Variants in EPC2 observed in about 807,000 individuals in gnomAD.
EPC2 encodes enhancer of polycomb 2.
In EPC2, 14 loss-of-function variants were observed where a neutral mutation model predicts 92.1. The observed-to-expected ratio is 0.15, with a 90% CI of 0.10 to 0.24. The LOEUF (loss-of-function observed/expected upper bound fraction) is 0.24, where lower values mean the gene tolerates loss of function less well. Ranked by LOEUF, EPC2 falls within the 10% of genes least tolerant of loss-of-function variation. EPC2 has a pLI of 1.00. For synonymous variants in EPC2, 340 were observed against 334.7 expected (o/e 1.02, Z -0.17); for missense variants, 755 against 971.5 (o/e 0.78, Z 2.96).
intron 10 of EPC2, among the ~76,000 whole-genome samples, chr2:148,780,518 A>G (rs375999987): frequency 1.3e-5 from 2 of 152,160 alleles, no homozygotes; most frequent in African/African-American, 4.8e-5. Context: ...TTTAGGTCAT[A>G]TTGATTAGAT....
chr2:148,646,177 C>T (rs1402454443), intron 1 of EPC2, among the ~76,000 whole-genome samples: 1 of 152,086 alleles, frequency 6.6e-6, no homozygotes, highest in Non-Finnish European at 1.5e-5. Flanking sequence ...TTGTCAACCT[C>T]GGGTGTGTGT....
At chr2:148,682,803 C>T (rs1339740092) in intron 1 of EPC2, among the ~76,000 whole-genome samples, 2 of 152,096 alleles carry the variant, frequency 1.3e-5, no homozygotes, top group African/African-American at 4.8e-5. Context: ...CACTGTAGTC[C>T]AATACGGCCT....
chr2:148,741,635 G>C (rs967777047), intron 2 of EPC2, among the ~76,000 whole-genome samples: 1 of 152,118 alleles, frequency 6.6e-6, no homozygotes, highest in Non-Finnish European at 1.5e-5. Context: ...TTTACACATC[G>C]CTGCACAGAC....
At chr2:148,676,126 AG>A (rs1399055382) in intron 1 of EPC2, among the ~76,000 whole-genome samples, 1 of 142,244 alleles carries the variant, frequency 7.0e-6, no homozygotes, top group Non-Finnish European at 1.5e-5. Flanking sequence ...TGAATTACTT[AG>A]TTTTTTTTTT....
At chr2:148,698,871 G>T (rs1681813200) in intron 2 of EPC2, among the ~76,000 whole-genome samples, 1 of 145,632 alleles carries the variant, frequency 6.9e-6, no homozygotes, top group Admixed American at 6.9e-5. Flanking sequence ...CTGTGTATGT[G>T]TGTATGTGTT....
chr2:148,690,678 T>C (rs1037087769), intron 2 of EPC2, among the ~76,000 whole-genome samples: 7 of 152,060 alleles, frequency 4.6e-5, no homozygotes, highest in African/African-American at 1.2e-4. Context: ...TTTTTTTTTT[T>C]CTTTGAGACA....
At chr2:148,693,661 G>A (rs1681684876) in intron 2 of EPC2, among the ~76,000 whole-genome samples, 2 of 152,144 alleles carry the variant, frequency 1.3e-5, no homozygotes, top group Non-Finnish European at 2.9e-5. Context: ...GTCCCAGAGT[G>A]TAGTCTCAGT....
chr2:148,734,187 C>T (rs1337735362), intron 2 of EPC2, among the ~76,000 whole-genome samples: 2 of 151,950 alleles, frequency 1.3e-5, no homozygotes, highest in African/African-American at 2.4e-5. Flanking sequence ...ATGTTATCCC[C>T]GTCTTTTTTT....
At chr2:148,748,076 A>G (rs1283404644) in intron 3 of EPC2, among the ~76,000 whole-genome samples, 1 of 152,112 alleles carries the variant, frequency 6.6e-6, no homozygotes, top group Admixed American at 6.6e-5. Context: ...TTGTCATGAT[A>G]GTGAGTTCTC....
chr2:148,785,117 C>A, intron 13 of EPC2, 116 bp downstream of exon 13: 1 of 821,702 alleles, frequency 1.2e-6, no homozygotes, highest in Non-Finnish European at 1.8e-6. Flanking sequence ...ACTTGATTTT[C>A]AATAGATACT....
chr2:148,671,943 C>T (rs1681163859), intron 1 of EPC2, among the ~76,000 whole-genome samples: 1 of 151,958 alleles, frequency 6.6e-6, no homozygotes, highest in Non-Finnish European at 1.5e-5. Context: ...TAAATTCATT[C>T]ACATTTGTTG....
At chr2:148,707,823 G>A (rs894720878) in intron 2 of EPC2, among the ~76,000 whole-genome samples, 32 of 152,078 alleles carry the variant, frequency 2.1e-4, no homozygotes, top group East Asian at 5.8e-4. Context: ...ACAACATACC[G>A]GAATCTCTGG....
chr2:148,749,055 T>G (rs992230705), intron 3 of EPC2, among the ~76,000 whole-genome samples: 9 of 152,192 alleles, frequency 5.9e-5, no homozygotes, highest in Admixed American at 5.2e-4. Flanking sequence ...TTTCTGGTCC[T>G]CTAATGTACC....
intron 12 of EPC2, among the ~76,000 whole-genome samples, chr2:148,784,450 G>A (rs568659062): frequency 3.3e-5 from 5 of 152,296 alleles, no homozygotes; most frequent in African/African-American, 4.8e-5. Context: ...TTGCAAAGCC[G>A]TTTTATGTAG....
At chr2:148,691,895 T>C in intron 2 of EPC2, 1 of 531,128 alleles carries the variant, frequency 1.9e-6, no homozygotes, top group South Asian at 1.6e-5. Context: ...AGTAGCATTC[T>C]ATACTAATAT....
intron 4 of EPC2, among the ~76,000 whole-genome samples, chr2:148,759,482 A>G (rs551522215): frequency 5.9e-5 from 9 of 152,374 alleles, no homozygotes; most frequent in Non-Finnish European, 1.0e-4. Flanking sequence ...CATTAGTGGG[A>G]CAATTGTTGA....
At chr2:148,770,748 T>G in intron 8 of EPC2, 44 bp from the exon 9 acceptor site, 1 of 1,564,496 alleles carries the variant, frequency 6.4e-7, no homozygotes, top group Non-Finnish European at 8.6e-7. Context: ...CATTTCAGAT[T>G]TACTCCATGA....
chr2:148,711,957 A>G (rs1422366035), intron 2 of EPC2, among the ~76,000 whole-genome samples: 2 of 151,936 alleles, frequency 1.3e-5, no homozygotes, highest in Admixed American at 6.6e-5. Flanking sequence ...TTTAATCTCT[A>G]TGTGTCTTTA....
At chr2:148,714,859 T>C (rs1390837785) in intron 2 of EPC2, among the ~76,000 whole-genome samples, 1 of 152,130 alleles carries the variant, frequency 6.6e-6, no homozygotes, top group East Asian at 1.9e-4. Flanking sequence ...CTGTAGGTTG[T>C]CTGTTTACTC....
Sources: gnomAD v4.1 joint callset for allele counts (sites outside exome capture counted in the v4.1 genomes callset) on GRCh38, gnomAD v4.1.1 for gene constraint, MANE v1.5 for transcripts, NCBI Gene and HGNC (gene_info 2026-07-23, HGNC 2026-07-21) for gene names.